The following CRTC1 variants were observed in gnomAD, a reference collection of about 807,000 sequenced individuals.
CRTC1 encodes CREB-regulated transcription coactivator 1.
CRTC1 carries 18 observed loss-of-function variants against 66.1 expected under a neutral mutation model. The observed-to-expected ratio is 0.27, with a 90% CI of 0.19 to 0.40. The LOEUF is 0.40. CRTC1 is among the 10% of genes least tolerant of loss of function. CRTC1 has a pLI of 1.00. For missense variants in CRTC1, 669 were observed against 887.9 expected (o/e 0.75, Z 3.13); for synonymous variants, 416 against 398.8 (o/e 1.04, Z -0.51).
At chr19:18,711,628 C>T (rs950673142) in intron 1 of CRTC1, among the ~76,000 whole-genome samples, 1 of 152,198 alleles carries the variant, frequency 6.6e-6, no homozygotes, top group Non-Finnish European at 1.5e-5. Context: ...CTGACGTGGG[C>T]CTGAGGGCCT....
chr19:18,711,374 G>A (rs1250106277), intron 1 of CRTC1, among the ~76,000 whole-genome samples: 2 of 152,188 alleles, frequency 1.3e-5, no homozygotes, highest in African/African-American at 4.8e-5. Flanking sequence ...CTGCGCCTCT[G>A]TGCCTGGGCC....
At chr19:18,692,566 A>T (rs1344815063) in intron 1 of CRTC1, among the ~76,000 whole-genome samples, 1 of 148,300 alleles carries the variant, frequency 6.7e-6, no homozygotes, top group African/African-American at 2.5e-5. Flanking sequence ...ATGCCATTGC[A>T]CTCCAGCCTG....
intron 1 of CRTC1, among the ~76,000 whole-genome samples, chr19:18,686,829 G>GC (rs1180804607): frequency 6.6e-6 from 1 of 151,828 alleles, no homozygotes; most frequent in Admixed American, 6.6e-5. Flanking sequence ...GGGTGATTCT[G>GC]CCCCCCAGGG....
Position 18,775,804 on chromosome 19 carries a change from C to T in CRTC1, c.1676C>T (p.Pro559Leu). Reference protein sequence around the residue: ...QLGYASHSGIPNIILTVTGES... With the variant: ...QLGYASHSGILNIILTVTGES... ...GGATACGCCAGCCACAGTGGCATCC[C>T]CAACATCATCCTCACAGGTGAGGCC... is the stretch of plus-strand genomic sequence containing the variant. The change falls in exon 13 of 14, where the codon CCC (proline) becomes CTC (leucine). Residue 559 changes from proline (P) to leucine (L), a missense_variant. Physicochemically the swap from Pro to Leu is moderately conservative, Grantham distance 98. Coordinates refer to ENST00000321949, the MANE Select transcript of CRTC1 (RefSeq NM_015321.3). 1 of 1,604,852 alleles carries T rather than the reference C, an allele frequency of 6.2e-7. No homozygotes were observed. The highest frequency in any genetic ancestry group is 8.5e-7 in the Non-Finnish European group (1 of 1,175,812).
At chr19:18,751,017 C>A (rs1432470299) in intron 5 of CRTC1, among the ~76,000 whole-genome samples, 1 of 152,096 alleles carries the variant, frequency 6.6e-6, no homozygotes, top group Non-Finnish European at 1.5e-5. Context: ...GACATGGGAC[C>A]CCTGGTGGCC....
chr19:18,781,129 C>T lies in CRTC1; in HGVS notation c.*3747C>T, dbSNP rs184820135. On this transcript the variant is annotated 3_prime_UTR_variant, in exon 14 of 14. Coordinates refer to ENST00000321949, the MANE Select transcript of CRTC1 (RefSeq NM_015321.3). Reference sequence around the variant, plus strand: ...AGGGGCCCTCTGTGTGGGGGTGGGACGCAGGGGCTCTCAGAGCAAGGGCCA... The same window carrying T: ...AGGGGCCCTCTGTGTGGGGGTGGGATGCAGGGGCTCTCAGAGCAAGGGCCA... The T allele has an allele frequency of 1.6e-4, 37 of 227,368 alleles. No individual in the cohort carries two copies. Among genetic ancestry groups the T allele is most frequent in the South Asian group, 1.8e-4 (1 of 5,498 alleles). The allele number at this position is 227,368 out of a possible 1,614,324, so 14.1% of individuals were successfully genotyped here. A position where few individuals can be genotyped will look rare whatever the true frequency, so the allele number is the denominator to read the frequency against.
At chr19:18,764,388 C>G (rs2054682238) in intron 8 of CRTC1, among the ~76,000 whole-genome samples, 1 of 152,232 alleles carries the variant, frequency 6.6e-6, no homozygotes, top group Non-Finnish European at 1.5e-5. Context: ...AACCAAGTCT[C>G]CAGAGTGGAT....
intron 1 of CRTC1, among the ~76,000 whole-genome samples, chr19:18,710,881 G>T (rs896107281): frequency 2.6e-5 from 4 of 152,168 alleles, no homozygotes; most frequent in Non-Finnish European, 1.5e-5. Flanking sequence ...CTCCCAAAGT[G>T]CTGGGATTAC....
rs1277868567 is a variant in CRTC1 at position 18,777,262 on chromosome 19, T to G, written c.1785T>G (p.Phe595Leu). The G allele has an allele frequency of 6.2e-7, 1 of 1,612,076 alleles. No individual in the cohort carries two copies. The highest frequency in any genetic ancestry group is 8.5e-7 in the Non-Finnish European group (1 of 1,179,834). The change falls in exon 14 of 14, where the codon TTT (phenylalanine) becomes TTG (leucine). Residue 595 changes from phenylalanine to leucine, a missense_variant. This residue lies in a region of CRTC1 where 91 missense variants were observed against 99.1 expected (regional missense o/e 0.92). Transcript: ENST00000321949. The surrounding 1 kb of genome is among the most constrained non-coding windows in gnomAD (Gnocchi z 5.5). ...GDVSFDSDSQ[F>L]PLDELKIDPL... Reference sequence around the variant, plus strand: ...TCAGCTTCGACTCCGACAGCCAGTTTCCCCTGGACGAACTCAAGATCGACC... The same window carrying G: ...TCAGCTTCGACTCCGACAGCCAGTTGCCCCTGGACGAACTCAAGATCGACC...
chr19:18,759,648 C>T, intron 7 of CRTC1, 57 bp downstream of exon 7: 4 of 1,573,264 alleles, frequency 2.5e-6, no homozygotes, highest in Non-Finnish European at 2.6e-6. Flanking sequence ...CTCCGTCCAC[C>T]CTGGGGCATT....
At chr19:18,716,487 T>G (rs977653311) in intron 1 of CRTC1, among the ~76,000 whole-genome samples, 4 of 152,106 alleles carry the variant, frequency 2.6e-5, no homozygotes, top group Non-Finnish European at 5.9e-5. Context: ...CCTGACCTCA[T>G]GATCCACCCA....
chr19:18,701,988 A>G (rs1219091794), intron 1 of CRTC1, among the ~76,000 whole-genome samples: 1 of 146,794 alleles, frequency 6.8e-6, no homozygotes, highest in African/African-American at 2.5e-5. Context: ...CAGTGGTGCA[A>G]TCTCGGCTCA....
intron 1 of CRTC1, among the ~76,000 whole-genome samples, chr19:18,725,182 G>A (rs898366235): frequency 3.9e-5 from 6 of 152,250 alleles, no homozygotes; most frequent in African/African-American, 1.2e-4. Flanking sequence ...GCTCCCTAGT[G>A]CCCCTGCCTG....
chr19:18,698,669 C>T (rs985932349), intron 1 of CRTC1, among the ~76,000 whole-genome samples: 3 of 151,766 alleles, frequency 2.0e-5, no homozygotes, highest in African/African-American at 7.3e-5. Context: ...ATCAGGTTCT[C>T]AGCACATGCA....
rs182103071 is a variant in CRTC1, at chr19:18,780,262, C to T, written c.*2880C>T. On this transcript the variant is annotated 3_prime_UTR_variant, in exon 14 of 14. Coordinates refer to ENST00000321949, the MANE Select transcript of CRTC1 (RefSeq NM_015321.3). ...CATGTGCTCATGGCTTCTGCAGACC[C>T]TCTGCTGGGTACATCGGTCCCCTAC... is the stretch of plus-strand genomic sequence containing the variant. 2 of 231,400 alleles carry T rather than the reference C, an allele frequency of 8.6e-6. No individual in the cohort carries two copies. Among genetic ancestry groups the T allele is most frequent in the African/African-American group, 4.4e-5 (2 of 45,340 alleles). The allele number at this position is 231,400 out of a possible 1,614,324, so 14.3% of individuals were successfully genotyped here.
At chr19:18,749,257 TCTC>T (rs1195181315) in intron 4 of CRTC1, among the ~76,000 whole-genome samples, 1 of 152,132 alleles carries the variant, frequency 6.6e-6, no homozygotes, top group Non-Finnish European at 1.5e-5. Flanking sequence ...TCCGGGGCCT[TCTC>T]CTAGCCCATT....
At chr19:18,698,502 GGCGCTCAGCAGGCGCTCAGCAGGCACA>G (rs2053051174) in intron 1 of CRTC1, among the ~76,000 whole-genome samples, 2 of 141,336 alleles carry the variant, frequency 1.4e-5, no homozygotes, top group Non-Finnish European at 1.5e-5. Flanking sequence ...GTACTCAGCA[GGCGCTCAGCAGGCGCTCAGCAGGCACA>G]GTGTGTACTC....
At chr19:18,692,797 C>T (rs1408992535) in intron 1 of CRTC1, among the ~76,000 whole-genome samples, 1 of 151,790 alleles carries the variant, frequency 6.6e-6, no homozygotes, top group African/African-American at 2.4e-5. Context: ...TTTTCTGGGC[C>T]GGGCACGGTG....
chr19:18,775,564 C>T, intron 12 of CRTC1, 77 bp from the exon 13 acceptor site: 1 of 1,323,264 alleles, frequency 7.6e-7, no homozygotes, highest in Non-Finnish European at 1.0e-6. Context: ...AGGACAGCCA[C>T]AGCAGCCAAG....
Sources: gnomAD v4.1 joint callset for allele counts (sites outside exome capture counted in the v4.1 genomes callset) on GRCh38, gnomAD v4.1.1 for gene constraint, gnomAD v4.1.1 regional missense constraint, Gnocchi (gnomAD v3.1) non-coding constraint, MANE v1.5 for transcripts, NCBI Gene and HGNC (gene_info 2026-07-23, HGNC 2026-07-21) for gene names.